Variants in CDYL observed in about 807,000 individuals in gnomAD.
CDYL encodes chromodomain Y like.
In CDYL, 8 loss-of-function variants were observed where a neutral mutation model predicts 47.3. That is an observed-to-expected ratio of 0.17 (90% confidence interval 0.10 to 0.31). The LOEUF (loss-of-function observed/expected upper bound fraction) is 0.31, where lower values mean the gene tolerates loss of function less well. CDYL is among the 10% of genes least tolerant of loss of function. The pLI, the probability that CDYL is intolerant of heterozygous loss-of-function variation, is 1.00. For missense variants in CDYL, 471 were observed against 701.4 expected, an observed-to-expected ratio of 0.67 and a Z score of 3.71; for synonymous variants, 266 against 265.0, an observed-to-expected ratio of 1.00 and a Z score of -0.04.
At chr6:4,756,139 T>G (rs2127421394) in intron 3 of CDYL, among the ~76,000 whole-genome samples, 1 of 152,300 alleles carries the variant, frequency 6.6e-6, no homozygotes, top group South Asian at 2.1e-4. Context: ...TTTAGCTCCT[T>G]GCACATTCTC....
At chr6:4,720,372 TC>T (rs780653557) in intron 2 of CDYL, among the ~76,000 whole-genome samples, 33 of 152,338 alleles carry the variant, frequency 2.2e-4, no homozygotes, top group Admixed American at 3.9e-4. Flanking sequence ...CGTTGTGAAA[TC>T]CGATTTTCTA....
intron 1 of CDYL, among the ~76,000 whole-genome samples, chr6:4,879,552 G>GTTTTTTTTTTTT (rs59685693): frequency 9.4e-6 from 1 of 106,158 alleles, no homozygotes; most frequent in Non-Finnish European, 1.8e-5. Context: ...TTTTTGTGGG[G>GTTTTTTTTTTTT]TTTTTTTTTT....
At chr6:4,885,282 C>T (rs1761871710) in intron 1 of CDYL, among the ~76,000 whole-genome samples, 1 of 152,222 alleles carries the variant, frequency 6.6e-6, no homozygotes, top group South Asian at 2.1e-4. Flanking sequence ...ACGTGAGCTA[C>T]TGTGCCCAGC....
chr6:4,863,620 G>A (rs1761236446), intron 1 of CDYL, among the ~76,000 whole-genome samples: 1 of 152,188 alleles, frequency 6.6e-6, no homozygotes. Flanking sequence ...CCATGAGTGT[G>A]AAATTATGAA....
intron 2 of CDYL, among the ~76,000 whole-genome samples, chr6:4,720,059 T>C (rs7748184): frequency 0.13 from 19,529 of 152,258 alleles, 1,533 homozygotes; most frequent in African/African-American, 0.23. Context: ...TAATCGCAAA[T>C]CTCACCAACT....
At chr6:4,882,739 T>TG (rs1309616994) in intron 1 of CDYL, among the ~76,000 whole-genome samples, 5 of 152,202 alleles carry the variant, frequency 3.3e-5, no homozygotes, top group Non-Finnish European at 5.9e-5. Context: ...GCTTTAGGGA[T>TG]GTGCAGCCCT....
chr6:4,740,294 G>A (rs1757773832), intron 3 of CDYL, among the ~76,000 whole-genome samples: 1 of 152,176 alleles, frequency 6.6e-6, no homozygotes, highest in African/African-American at 2.4e-5. Flanking sequence ...TGAGCCTCAT[G>A]TCAAGCCGGT....
intron 3 of CDYL, among the ~76,000 whole-genome samples, chr6:4,742,831 A>T (rs533349854): frequency 1.3e-5 from 2 of 152,320 alleles, no homozygotes; most frequent in East Asian, 3.9e-4. Flanking sequence ...TGGAGATAGG[A>T]TCATCTTGAA....
intron 1 of CDYL, among the ~76,000 whole-genome samples, chr6:4,797,726 G>A (rs1759114611): frequency 6.6e-6 from 1 of 152,120 alleles, no homozygotes; most frequent in African/African-American, 2.4e-5. Context: ...TTAGCAGAAT[G>A]TTTCCAAGGT....
At chr6:4,930,691 G>C (rs527353815) in intron 2 of CDYL, among the ~76,000 whole-genome samples, 13 of 152,234 alleles carry the variant, frequency 8.5e-5, no homozygotes, top group African/African-American at 3.1e-4. Flanking sequence ...AGTTTTTGAA[G>C]CAGTGATATT....
intron 1 of CDYL, among the ~76,000 whole-genome samples, chr6:4,786,187 G>A (rs561155383): frequency 2.2e-4 from 33 of 152,306 alleles, no homozygotes; most frequent in Admixed American, 1.2e-3. Context: ...GCCTTTGCAA[G>A]CCTGACCTGT....
chr6:4,730,466 G>C (rs527341795), intron 2 of CDYL, among the ~76,000 whole-genome samples: 17 of 152,110 alleles, frequency 1.1e-4, no homozygotes, highest in African/African-American at 4.1e-4. Context: ...CACAAGGTCA[G>C]GAGTTCAAGA....
At chr6:4,946,313 G>A (rs1758514651) in intron 5 of CDYL, among the ~76,000 whole-genome samples, 1 of 152,182 alleles carries the variant, frequency 6.6e-6, no homozygotes, top group African/African-American at 2.4e-5. Flanking sequence ...ACCCACCCCT[G>A]CTGGCAGCTA....
At chr6:4,707,269 C>T (rs916209826) in intron 1 of CDYL, among the ~76,000 whole-genome samples, 1 of 152,074 alleles carries the variant, frequency 6.6e-6, no homozygotes, top group African/African-American at 2.4e-5. Flanking sequence ...TAATTCAATG[C>T]CAAGTCTGTT....
chr6:4,774,665 G>C (rs1215634518), upstream of CDYL: 2 of 152,254 alleles, frequency 1.3e-5, no homozygotes, highest in Non-Finnish European at 2.9e-5. Flanking sequence ...TTCCTGTATA[G>C]AGAATGGTGC....
chr6:4,891,691 AT>A, intron 1 of CDYL, 21 bp from the exon 2 acceptor site: 1 of 1,556,498 alleles, frequency 6.4e-7, no homozygotes, highest in Non-Finnish European at 8.7e-7. Flanking sequence ...TTTTAAAACT[AT>A]TTTTTTCCTT....
intron 1 of CDYL, among the ~76,000 whole-genome samples, chr6:4,875,152 G>A (rs1272101549): frequency 6.6e-6 from 1 of 152,168 alleles, no homozygotes; most frequent in Non-Finnish European, 1.5e-5. Flanking sequence ...AGGCATCGCA[G>A]GAGAGTCCCT....
chr6:4,722,289 C>G (rs1019635386), intron 2 of CDYL, among the ~76,000 whole-genome samples: 1 of 151,672 alleles, frequency 6.6e-6, no homozygotes, highest in Non-Finnish European at 1.5e-5. Context: ...CAGCAGGACC[C>G]CATCTCAACA....
At position 4,892,047 on chromosome 6, in the gene CDYL, G is replaced by A; in HGVS notation, c.359G>A (p.Arg120Lys). 1.2e-6 allele frequency: 2 copies of A among 1,614,230 alleles called. No individual in the cohort carries two copies. Among genetic ancestry groups the A allele is most frequent in the Non-Finnish European group, 8.5e-7 (1 of 1,180,040 alleles). ...SQLFAASQKF[R>K]KNTAPSLSSR... ...CTGTTTGCTGCCAGCCAGAAGTTCA[G>A]GAAGAACACAGCTCCATCTCTCTCC... The change falls in exon 2 of 7, where the codon AGG (arginine) becomes AAG (lysine). Residue 120 changes from arginine to lysine, a missense_variant. Coordinates refer to ENST00000397588, the MANE Select transcript of CDYL (RefSeq NM_004824.4).
Sources: gnomAD v4.1 joint callset for allele counts (sites outside exome capture counted in the v4.1 genomes callset) on GRCh38, gnomAD v4.1.1 for gene constraint, MANE v1.5 for transcripts, NCBI Gene and HGNC (gene_info 2026-07-23, HGNC 2026-07-21) for gene names.